Variants in VAX2 observed in about 807,000 individuals in gnomAD.
The protein encoded by VAX2 is ventral anterior homeobox 2.
In VAX2, 8 loss-of-function variants were observed where a neutral mutation model predicts 12.5. The ratio of observed to expected loss-of-function variants is 0.64; its 90% CI spans 0.37 to 1.15. The LOEUF (loss-of-function observed/expected upper bound fraction) is 1.15. Among genes scored for constraint, VAX2 ranks in the 50% most tolerant of loss-of-function variants. The pLI is 0.01. For missense variants in VAX2, 476 were observed against 412.9 expected, an observed-to-expected ratio of 1.15 and a Z score of -1.32; for synonymous variants, 183 against 187.6, an observed-to-expected ratio of 0.98 and a Z score of 0.20.
At chr2:70,931,508 C>T (rs908514393) in intron 2 of VAX2, among the ~76,000 whole-genome samples, 4 of 152,212 alleles carry the variant, frequency 2.6e-5, no homozygotes, top group Admixed American at 2.6e-4. Context: ...AGCATGGATG[C>T]AGAGACCTCA....
intron 1 of VAX2, among the ~76,000 whole-genome samples, chr2:70,905,722 G>A (rs1679041752): frequency 6.6e-6 from 1 of 152,202 alleles, no homozygotes; most frequent in Admixed American, 6.5e-5. Context: ...TAGCTTCTGG[G>A]GAGTCCGAGG....
chr2:70,926,151 G>C (rs2104782622), intron 2 of VAX2, among the ~76,000 whole-genome samples: 1 of 152,194 alleles, frequency 6.6e-6, no homozygotes, highest in East Asian at 1.9e-4. Context: ...CAGGCAGAAT[G>C]GCGAAGCCCT....
chr2:70,917,154 A>AAAC lies in VAX2; in HGVS notation c.248-3942_248-3941insCAA, dbSNP rs527381348. Among the ~76,000 whole-genome samples, 49 of 146,856 alleles carry AAAC rather than the reference A, an allele frequency of 3.3e-4. 1 individual carries two copies. In the South Asian group the frequency reaches 0.011, roughly 32 times the overall value. On this transcript the variant is annotated intron_variant, in intron 1 of 2. Transcript: ENST00000234392. ...CAACAAGAGTGAAACTCTGTCTCAA[A>AAAC]AAAAAAAAAAAAAAAAAATCAGCCG...
At chr2:70,902,568 T>A (rs782215942) in intron 1 of VAX2, among the ~76,000 whole-genome samples, 1 of 152,208 alleles carries the variant, frequency 6.6e-6, no homozygotes, top group African/African-American at 2.4e-5. Context: ...CTCATCACCT[T>A]GAACCCCACC....
intron 1 of VAX2, among the ~76,000 whole-genome samples, chr2:70,913,286 T>C (rs2104767120): frequency 6.6e-6 from 1 of 152,354 alleles, no homozygotes; most frequent in African/African-American, 2.4e-5. Flanking sequence ...TGGGTTTTGT[T>C]ATTTAGGGCA....
Position 70,900,635 on chromosome 2 carries a change from G to A in VAX2, c.14G>A (p.Gly5Asp), listed in dbSNP as rs1215214688. The part of the protein sequence containing the change: MGDG[G>D]AERDRGPARR... ...GTGGCGGTCAGCATGGGCGATGGGG[G>A]CGCCGAGCGCGACCGGGGCCCCGCG... is the stretch of plus-strand genomic sequence containing the variant. Residue 5 changes from glycine to aspartate, a missense_variant, in exon 1 of 3, where the codon GGC becomes GAC. Transcript: ENST00000234392. 3 of 1,270,652 alleles carry A rather than the reference G, an allele frequency of 2.4e-6. No homozygotes were observed. The highest frequency in any genetic ancestry group is 2.0e-6 in the Non-Finnish European group (2 of 1,008,408). 78.7% of individuals were successfully genotyped at this position (1,270,652 alleles called of 1,614,324 possible). A position where few individuals can be genotyped will look rare whatever the true frequency, so the allele number is the denominator to read the frequency against.
rs200587085 is a variant in VAX2 at position 70,933,160 on chromosome 2, C to G, written c.829C>G (p.Arg277Gly). 6.5e-7 allele frequency: 1 copy of G among 1,549,344 alleles called. No homozygotes were observed. The change falls in exon 3 of 3, where the codon CGG becomes GGG. Residue 277 changes from arginine (R) to glycine (G), a missense_variant. By Grantham distance (125) the Arg-to-Gly change is moderately radical (BLOSUM62 -2). Transcript: ENST00000234392. ...CTTCGAGCCATACAGCTGGCTAGAA[C>G]GGAAAGTGGGCAGCGCCAGCAGCTG... is the stretch of plus-strand genomic sequence containing the variant. Reference protein sequence around the residue: ...SAFEPYSWLERKVGSASSCKK... With the variant: ...SAFEPYSWLEGKVGSASSCKK...
chr2:70,915,134 T>C (rs1186766462), intron 1 of VAX2, among the ~76,000 whole-genome samples: 1 of 151,852 alleles, frequency 6.6e-6, no homozygotes, highest in Non-Finnish European at 1.5e-5. Flanking sequence ...TTTTTTCAAA[T>C]CTGTTTCTTG....
intron 2 of VAX2, among the ~76,000 whole-genome samples, chr2:70,931,985 A>G (rs1302298977): frequency 1.3e-5 from 2 of 152,220 alleles, no homozygotes; most frequent in African/African-American, 4.8e-5. Flanking sequence ...TTTAAAAACT[A>G]CTAAAGTCTG....
rs1251795710 is a variant in VAX2 at position 70,900,703 on chromosome 2, C to G, written c.82C>G (p.Arg28Gly). The change falls in exon 1 of 3, where the codon CGC becomes GGC. Residue 28 changes from arginine to glycine, a missense_variant. Coordinates refer to ENST00000234392, the MANE Select transcript of VAX2 (RefSeq NM_012476.3). ...TGGCGGCGGTGGGCGCTGCGGAGAC[C>G]GCAGCGGAGCGGGGGACTTGCGAGC... ...SGGGGGRCGD[R>G]SGAGDLRADG... 2 of 1,356,106 alleles carry G rather than the reference C, an allele frequency of 1.5e-6. No homozygotes were observed. The highest frequency in any genetic ancestry group is 3.0e-5 in the African/African-American group (2 of 65,790). The allele number at this position is 1,356,106 out of a possible 1,614,324, so 84.0% of individuals were successfully genotyped here.
intron 2 of VAX2, among the ~76,000 whole-genome samples, chr2:70,929,087 C>A (rs1417293374): frequency 6.6e-6 from 1 of 152,194 alleles, no homozygotes; most frequent in Non-Finnish European, 1.5e-5. Flanking sequence ...GGTGAGACTC[C>A]TTCCCTCAGC....
At chr2:70,901,431 G>A (rs1448463219) in intron 1 of VAX2, among the ~76,000 whole-genome samples, 1 of 152,254 alleles carries the variant, frequency 6.6e-6, no homozygotes, top group Non-Finnish European at 1.5e-5. Flanking sequence ...AGCCCGCTGT[G>A]CTTCACTCTC....
intron 1 of VAX2, among the ~76,000 whole-genome samples, chr2:70,907,319 C>A (rs1252235053): frequency 6.6e-6 from 1 of 152,248 alleles, no homozygotes; most frequent in Non-Finnish European, 1.5e-5. Flanking sequence ...AAGCGCTGGG[C>A]CGCTCGTAAA....
In VAX2 at chr2:70,911,295, A is replaced by G. The variant is rs189846739; in HGVS notation, c.248-9803A>G. ...CAGGTTATGTGTCTCATTCTTGTTA[A>G]TGTTTACATATAGCCAAAGTTATTA... On this transcript the variant is annotated intron_variant, in intron 1 of 2. Transcript: ENST00000234392. Among the ~76,000 whole-genome samples, 199 of 152,270 alleles carry G rather than the reference A, an allele frequency of 1.3e-3. 1 individual carries two copies. Among genetic ancestry groups the G allele is most frequent in the African/African-American group, 4.5e-3 (186 of 41,564 alleles).
At chr2:70,930,670 C>T (rs1368544853) in intron 2 of VAX2, among the ~76,000 whole-genome samples, 3 of 152,206 alleles carry the variant, frequency 2.0e-5, no homozygotes, top group African/African-American at 7.2e-5. Context: ...TCTGGCATGG[C>T]CCAGGTGGCC....
chr2:70,932,703 A>G (rs1553414496), intron 2 of VAX2, 64 bp from the exon 3 acceptor site: 28 of 857,470 alleles, frequency 3.3e-5, no homozygotes, highest in Non-Finnish European at 4.0e-5. Flanking sequence ...TCCTCCTCCC[A>G]CCTGCCCCCA....
chr2:70,911,232 T>C (rs1679178019), intron 1 of VAX2, among the ~76,000 whole-genome samples: 2 of 152,168 alleles, frequency 1.3e-5, no homozygotes, highest in African/African-American at 2.4e-5. Flanking sequence ...TTATGCACAC[T>C]TGCCATTTCA....
chr2:70,907,266 T>C (rs782730522), intron 1 of VAX2, among the ~76,000 whole-genome samples: 7 of 152,220 alleles, frequency 4.6e-5, no homozygotes, highest in Non-Finnish European at 7.3e-5. Flanking sequence ...CTCATATATG[T>C]GGCGGCTTAG....
intron 1 of VAX2, among the ~76,000 whole-genome samples, chr2:70,919,673 T>C (rs570204617): frequency 6.7e-4 from 102 of 151,888 alleles, no homozygotes; most frequent in Non-Finnish European, 1.3e-3. Flanking sequence ...AAATCCCCTA[T>C]GCCCCCCGTC....
Sources: allele counts gnomAD v4.1 joint callset (sites outside exome capture counted in the v4.1 genomes callset), GRCh38; gene constraint gnomAD v4.1.1; transcripts MANE v1.5; gene names NCBI Gene and HGNC (gene_info 2026-07-23, HGNC 2026-07-21).